Variants in FAM135B observed in about 807,000 individuals in gnomAD.
FAM135B encodes family with sequence similarity 135 member B, also known as protein FAM135B.
A neutral mutation model predicts 127.7 loss-of-function variants in FAM135B; 43 were observed. That is an observed-to-expected ratio of 0.34 (90% CI 0.26 to 0.43). The LOEUF is 0.43. FAM135B is among the 20% of genes least tolerant of loss of function. The pLI, the probability that FAM135B is intolerant of heterozygous loss-of-function variation, is 1.00. For missense variants in FAM135B, 1,558 were observed against 1,725.6 expected, an observed-to-expected ratio of 0.90 and a Z score of 1.72; for synonymous variants, 670 against 665.1, an observed-to-expected ratio of 1.01 and a Z score of -0.11.
intron 7 of FAM135B, among the ~76,000 whole-genome samples, chr8:138,221,188 A>G (rs1818998377): frequency 6.6e-6 from 1 of 152,230 alleles, no homozygotes; most frequent in Admixed American, 6.5e-5. Context: ...CAGGCTGCCC[A>G]GGAAGCATAC....
intron 3 of FAM135B, among the ~76,000 whole-genome samples, chr8:138,298,326 C>T (rs901084887): frequency 4.6e-5 from 7 of 152,090 alleles, no homozygotes; most frequent in Admixed American, 3.3e-4. Context: ...TAAGGACTTG[C>T]GTATCAACAA....
At chr8:138,407,412 A>T (rs1307991098) in intron 1 of FAM135B, among the ~76,000 whole-genome samples, 2 of 152,088 alleles carry the variant, frequency 1.3e-5, no homozygotes, top group East Asian at 1.9e-4. Context: ...AACTACTTTA[A>T]AGTTCATATG....
intron 1 of FAM135B, among the ~76,000 whole-genome samples, chr8:138,418,451 T>G (rs1834294451): frequency 6.6e-6 from 1 of 151,074 alleles, no homozygotes; most frequent in Admixed American, 6.7e-5. Flanking sequence ...AACTGCGAGA[T>G]GCTATACAAG....
chr8:138,392,123 A>ATGAATGTC, intron 1 of FAM135B, among the ~76,000 whole-genome samples: 1 of 152,230 alleles, frequency 6.6e-6, no homozygotes, highest in Non-Finnish European at 1.5e-5. Flanking sequence ...ACATTCAGAT[A>ATGAATGTC]ACGTCTGGAA....
At chr8:138,209,246 A>G in intron 7 of FAM135B, among the ~76,000 whole-genome samples, 1 of 152,152 alleles carries the variant, frequency 6.6e-6, no homozygotes, top group East Asian at 1.9e-4. Flanking sequence ...CAAACACATA[A>G]TTGCAGCACA....
At chr8:138,245,026 G>T (rs554193837) in intron 6 of FAM135B, among the ~76,000 whole-genome samples, 23 of 152,098 alleles carry the variant, frequency 1.5e-4, no homozygotes, top group Non-Finnish European at 2.4e-4. Context: ...AACTTAAAGG[G>T]TTCCCTTTGT....
chr8:138,184,487 CAGA>C (rs1346363102), intron 9 of FAM135B, among the ~76,000 whole-genome samples: 1 of 152,312 alleles, frequency 6.6e-6, no homozygotes, highest in African/African-American at 2.4e-5. Flanking sequence ...CTTGTGGTTA[CAGA>C]AGAAGTCCCT....
rs1297610966 is a variant in FAM135B at position 138,425,983 on chromosome 8, A to G, written c.-19-57981T>C. 1.4e-4 allele frequency among the ~76,000 whole-genome samples: 2 copies of G among 14,090 alleles called. 1 individual carries two copies. Among genetic ancestry groups the G allele is most frequent in the South Asian group, 1.8e-3 (2 of 1,104 alleles). 9.2% of individuals were successfully genotyped at this position (14,090 alleles called of 152,430 possible). Reference sequence around the variant, plus strand: ...GGCCAACATATATATATATATATATATATATATATATATATATATATATAT... The same window carrying G: ...GGCCAACATATATATATATATATATGTATATATATATATATATATATATAT... On this transcript the variant is annotated intron_variant, in intron 1 of 19. Coordinates refer to ENST00000395297, the MANE Select transcript of FAM135B (RefSeq NM_015912.4).
intron 1 of FAM135B, among the ~76,000 whole-genome samples, chr8:138,415,264 T>G (rs1834075118): frequency 6.6e-6 from 1 of 152,092 alleles, no homozygotes; most frequent in South Asian, 2.1e-4. Context: ...ACAGCTCCAT[T>G]TTTGCAAATC....
intron 7 of FAM135B, among the ~76,000 whole-genome samples, chr8:138,230,125 G>A (rs1819802324): frequency 6.6e-6 from 1 of 152,132 alleles, no homozygotes; most frequent in African/African-American, 2.4e-5. Flanking sequence ...TACAAGAAAG[G>A]CTCAGAAATG....
intron 1 of FAM135B, among the ~76,000 whole-genome samples, chr8:138,413,867 G>A (rs969226843): frequency 6.7e-6 from 1 of 150,360 alleles, no homozygotes; most frequent in Non-Finnish European, 1.5e-5. Flanking sequence ...ATGGTAAAAC[G>A]TGCAGAATAA....
At chr8:138,462,044 A>G (rs896249112) in intron 1 of FAM135B, among the ~76,000 whole-genome samples, 1 of 152,168 alleles carries the variant, frequency 6.6e-6, no homozygotes, top group Non-Finnish European at 1.5e-5. Flanking sequence ...AGATGATGAT[A>G]ATAATGATGA....
At position 138,497,242 on chromosome 8, in the gene FAM135B, T is replaced by A. The variant is rs4909803; in HGVS notation, c.-591A>T. On this transcript the variant is annotated 5_prime_UTR_variant, in exon 1 of 20. Coordinates refer to ENST00000395297, the MANE Select transcript of FAM135B (RefSeq NM_015912.4). ...CGCTCCGCAGCCGCTGCGCACCGCG[T>A]GGGTAGACGCTGCGCGACTGGCTGG... 1.3e-5 allele frequency among the ~76,000 whole-genome samples: 2 copies of A among 150,214 alleles called. No individual in the cohort carries two copies. The highest frequency in any genetic ancestry group is 4.9e-5 in the African/African-American group (2 of 41,158).
At chr8:138,262,184 G>A (rs1171018121) in intron 4 of FAM135B, among the ~76,000 whole-genome samples, 1 of 152,180 alleles carries the variant, frequency 6.6e-6, no homozygotes, top group Non-Finnish European at 1.5e-5. Flanking sequence ...CACGACCTAA[G>A]GTTGAGGGTT....
chr8:138,490,094 T>C (rs1303395751), intron 1 of FAM135B, among the ~76,000 whole-genome samples: 4 of 152,206 alleles, frequency 2.6e-5, no homozygotes, highest in African/African-American at 4.8e-5. Flanking sequence ...GGATGGGGCA[T>C]AATAGGCACT....
intron 1 of FAM135B, among the ~76,000 whole-genome samples, chr8:138,428,865 A>T (rs1835045565): frequency 6.6e-6 from 1 of 152,144 alleles, no homozygotes; most frequent in Admixed American, 6.6e-5. Context: ...TGAATATCTC[A>T]TTCTCTGGGG....
chr8:138,425,691 G>C (rs1834798732), intron 1 of FAM135B, among the ~76,000 whole-genome samples: 1 of 151,920 alleles, frequency 6.6e-6, no homozygotes, highest in African/African-American at 2.4e-5. Flanking sequence ...GACAGGCTTG[G>C]CTTTTCATCC....
intron 15 of FAM135B, among the ~76,000 whole-genome samples, chr8:138,145,642 C>T (rs1020986877): frequency 6.6e-5 from 10 of 152,216 alleles, no homozygotes; most frequent in African/African-American, 2.4e-4. Flanking sequence ...CAAGTAAAGG[C>T]AGCAGAACTG....
chr8:138,381,705 T>G (rs1831867865), intron 1 of FAM135B, among the ~76,000 whole-genome samples: 1 of 152,214 alleles, frequency 6.6e-6, no homozygotes, highest in African/African-American at 2.4e-5. Flanking sequence ...TCTGGGGCAC[T>G]TGGAATCAGC....
Sources: gnomAD v4.1 joint callset for allele counts (sites outside exome capture counted in the v4.1 genomes callset) on GRCh38, gnomAD v4.1.1 for gene constraint, MANE v1.5 for transcripts, NCBI Gene and HGNC (gene_info 2026-07-23, HGNC 2026-07-21) for gene names.